Variants in UPF3B observed in about 807,000 individuals in gnomAD.
UPF3B encodes UPF3B regulator of nonsense mediated mRNA decay.
In UPF3B, 7 loss-of-function variants were observed where a neutral mutation model predicts 40.3. The ratio of observed to expected loss-of-function variants is 0.17; its 90% CI spans 0.10 to 0.33. The LOEUF (loss-of-function observed/expected upper bound fraction) is 0.33, where lower values mean the gene tolerates loss of function less well. Among genes scored for constraint, UPF3B ranks in the 10% least tolerant of loss-of-function variants. UPF3B has a pLI of 1.00. For synonymous variants in UPF3B, 117 were observed against 117.3 expected, an observed-to-expected ratio of 1.00 and a Z score of 0.01; for missense variants, 229 against 358.9, an observed-to-expected ratio of 0.64 and a Z score of 2.93.
chrX:119,817,072 C>T (rs959925643), intron 4 of UPF3B, among the ~76,000 whole-genome samples: 68 of 111,592 alleles, frequency 6.1e-4, no homozygotes, highest in Non-Finnish European at 1.1e-3. Context: ...CAGGTTTAGG[C>T]GCTTCTCCTG....
chrX:119,837,155 G>C (rs1466821617), intron 10 of UPF3B, among the ~76,000 whole-genome samples: 7 of 106,452 alleles, frequency 6.6e-5, no homozygotes, highest in African/African-American at 2.4e-4. Flanking sequence ...ATGTTGGCCA[G>C]GCTGGTCTAG....
At position 119,843,064 on chromosome X, in the gene UPF3B, A is replaced by T. The variant is rs2496209; in HGVS notation, c.580+127T>A. On this transcript the variant is annotated intron_variant, in intron 5 of 10. Transcript: ENST00000276201. ...TGTGAGGCAGGTATTACCATCTGCA[A>T]TTTACAGTAACAGTCTCAGAGAAAC... The T allele has an allele frequency of 0.018, 8,963 of 505,552 alleles. 467 individuals are homozygous for T. Among genetic ancestry groups the T allele is most frequent in the African/African-American group, 0.17 (7,462 of 42,990 alleles). 41.7% of individuals were successfully genotyped at this position (505,552 alleles called of 1,213,427 possible).
intron 10 of UPF3B, among the ~76,000 whole-genome samples, chrX:119,835,938 C>T (rs1468207111): frequency 1.8e-5 from 2 of 111,437 alleles, no homozygotes; most frequent in African/African-American, 6.5e-5. Context: ...GATTGTACCA[C>T]GGCACTCCAG....
chrX:119,813,417 T>C (rs1232734715), intron 5 of UPF3B, among the ~76,000 whole-genome samples: 1 of 110,866 alleles, frequency 9.0e-6, no homozygotes, highest in Non-Finnish European at 1.9e-5. Context: ...TTGCTCACTC[T>C]GTGATGTGAG....
chrX:119,841,262 G>A lies in UPF3B; in HGVS notation c.625-4C>T. 8.3e-7 allele frequency: 1 copy of A among 1,198,661 alleles called. No individual in the cohort carries two copies. Among genetic ancestry groups the A allele is most frequent in the Non-Finnish European group, 1.1e-6 (1 of 891,673 alleles). On this transcript the variant is annotated splice_polypyrimidine_tract_variant and splice_region_variant and intron_variant, in intron 6 of 10. Transcript: ENST00000276201. Reference sequence around the variant, plus strand: ...CTCTCTTTTCTTCTCTCATTCTCTAGAAAGAAACATCAACACAAGCCTTCA... The same window carrying A: ...CTCTCTTTTCTTCTCTCATTCTCTAAAAAGAAACATCAACACAAGCCTTCA...
At chrX:119,821,123 T>G (rs954053165) in intron 4 of UPF3B, among the ~76,000 whole-genome samples, 15 of 110,925 alleles carry the variant, frequency 1.4e-4, no homozygotes, top group African/African-American at 4.6e-4. Flanking sequence ...TTCTTACAGA[T>G]CAGGTTGTTG....
chrX:119,822,890 G>T, intron 4 of UPF3B: 1 of 762,071 alleles, frequency 1.3e-6, no homozygotes, highest in South Asian at 3.9e-5. Flanking sequence ...TTACAGGCAT[G>T]AGCCACCACG....
intron 9 of UPF3B, 22 bp downstream of exon 9, chrX:119,838,345 C>G (rs2056124507): frequency 8.3e-7 from 1 of 1,209,171 alleles, no homozygotes; most frequent in Non-Finnish European, 1.1e-6. Context: ...TCAAACATAA[C>G]AAAGAGTCCT....
At chrX:119,836,685 C>T (rs1316273402) in intron 10 of UPF3B, among the ~76,000 whole-genome samples, 1 of 105,942 alleles carries the variant, frequency 9.4e-6, no homozygotes, top group African/African-American at 3.5e-5. Flanking sequence ...GAGTCTCGCT[C>T]TGTTGCCCGT....
intron 1 of UPF3B, 44 bp from the exon 2 acceptor site, chrX:119,851,917 T>G: frequency 1.1e-6 from 1 of 901,699 alleles, no homozygotes; most frequent in Non-Finnish European, 1.6e-6. Context: ...CAAATCAGTT[T>G]TCTGTCATAC....
downstream of UPF3B, among the ~76,000 whole-genome samples, chrX:119,832,070 C>CT (rs2056043063): frequency 8.9e-6 from 1 of 111,876 alleles, no homozygotes; most frequent in South Asian, 3.7e-4. Flanking sequence ...GGCGATCCTC[C>CT]CATCTCAGCT....
chrX:119,807,669 T>A, intron 5 of UPF3B: 1 of 479,661 alleles, frequency 2.1e-6, no homozygotes, highest in Middle Eastern at 1.3e-3. Flanking sequence ...TATATTAATA[T>A]ATACTAAAGC....
At chrX:119,810,333 C>T (rs745906014) in intron 5 of UPF3B, among the ~76,000 whole-genome samples, 1 of 111,910 alleles carries the variant, frequency 8.9e-6, no homozygotes, top group Non-Finnish European at 1.9e-5. Flanking sequence ...TGTCAAAAAC[C>T]GCAATTACTT....
chrX:119,850,645 C>A (rs1471689120), intron 3 of UPF3B, among the ~76,000 whole-genome samples: 3 of 112,591 alleles, frequency 2.7e-5, no homozygotes, highest in African/African-American at 9.7e-5. Flanking sequence ...TATTCTCTGG[C>A]TAAATGTAGG....
At chrX:119,815,261 C>T in exon 5 of UPF3B, 1 of 796,868 alleles carries the variant, frequency 1.3e-6, no homozygotes, top group African/African-American at 2.2e-5. Context: ...CGAGAGTCGA[C>T]CTTGGCTTCG....
intron 6 of UPF3B, among the ~76,000 whole-genome samples, chrX:119,807,316 C>G (rs990923120): frequency 3.6e-5 from 4 of 112,038 alleles, no homozygotes; most frequent in Non-Finnish European, 7.5e-5. Flanking sequence ...CAGTGTACCC[C>G]ACCAGCACAA....
intron 8 of UPF3B, among the ~76,000 whole-genome samples, chrX:119,838,936 T>C (rs1166802853): frequency 2.7e-5 from 3 of 110,846 alleles, no homozygotes; most frequent in South Asian, 3.8e-4. Flanking sequence ...CCACCACATA[T>C]GGCTAATTTT....
downstream of UPF3B, among the ~76,000 whole-genome samples, chrX:119,831,969 G>A (rs1393391903): frequency 1.8e-5 from 2 of 109,638 alleles, no homozygotes; most frequent in Non-Finnish European, 3.8e-5. Flanking sequence ...TTATAAGCCT[G>A]GGTAAATTTC....
chrX:119,827,318 A>G (rs1015257918), intron 3 of UPF3B, among the ~76,000 whole-genome samples: 4 of 111,770 alleles, frequency 3.6e-5, no homozygotes, highest in African/African-American at 1.3e-4. Context: ...AGGTGCTGCG[A>G]GCAAGAGACA....
Sources: allele counts gnomAD v4.1 joint callset (sites outside exome capture counted in the v4.1 genomes callset), GRCh38; gene constraint gnomAD v4.1.1; transcripts MANE v1.5; gene names NCBI Gene and HGNC (gene_info 2026-07-23, HGNC 2026-07-21).